Variants in PLXNA4 observed in about 807,000 individuals in gnomAD.
The protein encoded by PLXNA4 is plexin-A4.
PLXNA4 carries 44 observed loss-of-function variants against 191.8 expected under a neutral mutation model. That is an observed-to-expected ratio of 0.23 (90% CI 0.18 to 0.29). PLXNA4 has a LOEUF of 0.29. Ranked by LOEUF, PLXNA4 falls within the 10% of genes least tolerant of loss-of-function variation. The pLI, the probability that PLXNA4 is intolerant of heterozygous loss-of-function variation, is 1.00. For synonymous variants in PLXNA4, 1,082 were observed against 1,009.5 expected (o/e 1.07, Z -1.36); for missense variants, 1,800 against 2,488.8 (o/e 0.72, Z 5.89).
At chr7:132,371,603 G>A (rs1185106260) in intron 3 of PLXNA4, among the ~76,000 whole-genome samples, 1 of 152,186 alleles carries the variant, frequency 6.6e-6, no homozygotes, top group Non-Finnish European at 1.5e-5. Context: ...CAAAGTTGCA[G>A]TGAGCCTGGA....
intron 1 of PLXNA4, among the ~76,000 whole-genome samples, chr7:132,511,908 T>C (rs1798727984): frequency 6.6e-6 from 1 of 152,200 alleles, no homozygotes; most frequent in Non-Finnish European, 1.5e-5. Context: ...AGAGGTCAGA[T>C]GAAATTGCAA....
chr7:132,205,445 C>A (rs190678475), intron 10 of PLXNA4, among the ~76,000 whole-genome samples: 152 of 152,258 alleles, frequency 1.0e-3, no homozygotes, highest in African/African-American at 3.5e-3. Flanking sequence ...ATGACTGCCC[C>A]AGTGGAGGGA....
At chr7:132,174,294 G>C (rs1796385348) in intron 21 of PLXNA4, among the ~76,000 whole-genome samples, 1 of 152,184 alleles carries the variant, frequency 6.6e-6, no homozygotes, top group Non-Finnish European at 1.5e-5. Context: ...TGGTAGAAGA[G>C]AGGGTTATGA....
chr7:132,167,924 G>A (rs1796168302), intron 22 of PLXNA4, among the ~76,000 whole-genome samples: 1 of 152,170 alleles, frequency 6.6e-6, no homozygotes, highest in East Asian at 1.9e-4. Flanking sequence ...TGAGGCCACA[G>A]GTCTTCTCTC....
intron 3 of PLXNA4, among the ~76,000 whole-genome samples, chr7:132,422,747 T>C (rs1446699457): frequency 6.6e-6 from 1 of 152,226 alleles, no homozygotes; most frequent in Non-Finnish European, 1.5e-5. Flanking sequence ...CAGGCCCTGT[T>C]CCAGGAGCTC....
chr7:132,562,927 TCTC>T (rs1454786711), intron 1 of PLXNA4, among the ~76,000 whole-genome samples: 5 of 58,898 alleles, frequency 8.5e-5, no homozygotes, highest in Non-Finnish European at 1.0e-4. Context: ...CTCCTCCTCC[TCTC>T]CCTCCTCCTC....
chr7:132,177,041 CAGTG>C (rs1796495438), intron 20 of PLXNA4, among the ~76,000 whole-genome samples: 1 of 147,426 alleles, frequency 6.8e-6, no homozygotes, highest in Non-Finnish European at 1.5e-5. Flanking sequence ...AAGTATATGT[CAGTG>C]TGTGTGTACG....
chr7:132,133,601 C>G (rs368378883), intron 30 of PLXNA4, among the ~76,000 whole-genome samples: 1 of 152,090 alleles, frequency 6.6e-6, no homozygotes, highest in Non-Finnish European at 1.5e-5. Context: ...AAGGCTCTTC[C>G]GAGCGGTTGC....
intron 25 of PLXNA4, among the ~76,000 whole-genome samples, chr7:132,150,785 G>C (rs1251168130): frequency 1.3e-5 from 2 of 152,232 alleles, no homozygotes; most frequent in Non-Finnish European, 2.9e-5. Flanking sequence ...ACATGGCCTG[G>C]CCAACTAGGC....
chr7:132,164,809 G>A (rs1796054285), intron 23 of PLXNA4, among the ~76,000 whole-genome samples: 2 of 152,324 alleles, frequency 1.3e-5, no homozygotes, highest in South Asian at 2.1e-4. Flanking sequence ...GGAGAGGGAA[G>A]AGGAAAAGCA....
rs140149371 is a variant in PLXNA4, at chr7:132,339,124, G to A, written c.1372-40902C>T. Among the ~76,000 whole-genome samples, 526 of 152,282 alleles carry A rather than the reference G, an allele frequency of 3.5e-3. 2 individuals are homozygous for A. Among genetic ancestry groups the A allele is most frequent in the African/African-American group, 0.012 (507 of 41,564 alleles). On this transcript the variant is annotated intron_variant, in intron 3 of 31. Coordinates refer to ENST00000321063, the MANE Select transcript of PLXNA4 (RefSeq NM_020911.2). ...CTCTTCTGGCTCAAGTGATTATTCC[G>A]CTAGTAAATTACAGGGTAAATGGCA...
intron 3 of PLXNA4, among the ~76,000 whole-genome samples, chr7:132,446,399 T>C (rs1436666363): frequency 6.6e-6 from 1 of 152,078 alleles, no homozygotes; most frequent in East Asian, 1.9e-4. Flanking sequence ...CTGCCCCAAG[T>C]CTCACTGCTA....
chr7:132,474,976 A>T lies in PLXNA4; in HGVS notation c.1371+14316T>A, dbSNP rs374840698. 1.8e-3 allele frequency among the ~76,000 whole-genome samples: 276 copies of T among 152,290 alleles called. 3 individuals carry two copies. The highest frequency in any genetic ancestry group is 6.1e-3 in the African/African-American group (254 of 41,566). On this transcript the variant is annotated intron_variant, in intron 3 of 31. Transcript: ENST00000321063. ...ATGGAGGGAGGGTGCATACATTAAT[A>T]TGCTCATTACTCCAAAGGTGACATA...
chr7:132,280,636 G>T (rs1800446057), intron 4 of PLXNA4, among the ~76,000 whole-genome samples: 1 of 152,136 alleles, frequency 6.6e-6, no homozygotes, highest in East Asian at 1.9e-4. Flanking sequence ...AGACTAGAAG[G>T]CATTGGGTAA....
intron 1 of PLXNA4, among the ~76,000 whole-genome samples, chr7:132,513,382 A>G (rs1457272700): frequency 3.3e-5 from 5 of 152,200 alleles, no homozygotes; most frequent in African/African-American, 9.6e-5. Context: ...GGTATTTATA[A>G]GTATGCCTTC....
At chr7:132,176,986 TGTGCATGTGA>T (rs1409921863) in intron 20 of PLXNA4, among the ~76,000 whole-genome samples, 12 of 152,282 alleles carry the variant, frequency 7.9e-5, no homozygotes, top group Admixed American at 2.6e-4. Context: ...TGCATGCATG[TGTGCATGTGA>T]GTGCATGTGT....
intron 3 of PLXNA4, among the ~76,000 whole-genome samples, chr7:132,471,216 C>T (rs1796921829): frequency 6.6e-6 from 1 of 152,164 alleles, no homozygotes; most frequent in Admixed American, 6.5e-5. Flanking sequence ...TGTAAGCTTC[C>T]TGAGGCGTGC....
intron 25 of PLXNA4, among the ~76,000 whole-genome samples, chr7:132,152,802 T>C (rs377030782): frequency 2.0e-5 from 3 of 152,286 alleles, no homozygotes; most frequent in South Asian, 2.1e-4. Flanking sequence ...TAGCAAATCC[T>C]GGGGCAGAGT....
rs116919622 is a variant in PLXNA4 at position 132,216,549 on chromosome 7, A to T, written c.2098-5406T>A. ...AACTGGCTCTGATAGGCAGCATGGG[A>T]TACTGCTGTGATTCTAATTAACATG... On this transcript the variant is annotated intron_variant, in intron 9 of 31. Coordinates refer to ENST00000321063, the MANE Select transcript of PLXNA4 (RefSeq NM_020911.2). Among the ~76,000 whole-genome samples the T allele has an allele frequency of 1.1e-3, 168 of 152,318 alleles. 2 individuals are homozygous for T. The East Asian group carries it at 0.026, about 23-fold the overall frequency.
Sources: gnomAD v4.1 joint callset for allele counts (sites outside exome capture counted in the v4.1 genomes callset) on GRCh38, gnomAD v4.1.1 for gene constraint, MANE v1.5 for transcripts, NCBI Gene and HGNC (gene_info 2026-07-23, HGNC 2026-07-21) for gene names.